Variants in KLHL29 observed in about 807,000 individuals in gnomAD.
The protein encoded by KLHL29 is kelch like family member 29.
Under a neutral mutation model 80.4 loss-of-function variants are expected in KLHL29, and 21 were observed. The ratio of observed to expected loss-of-function variants is 0.26; its 90% CI spans 0.19 to 0.38. The LOEUF (loss-of-function observed/expected upper bound fraction) is 0.38, where lower values mean the gene tolerates loss of function less well. Among genes scored for constraint, KLHL29 ranks in the 10% least tolerant of loss-of-function variants. The pLI is 1.00. For missense variants in KLHL29, 867 were observed against 1,223.9 expected (o/e 0.71, Z 4.35); for synonymous variants, 511 against 526.8 (o/e 0.97, Z 0.41).
intron 1 of KLHL29, among the ~76,000 whole-genome samples, chr2:23,389,581 C>T (rs1666267658): frequency 6.6e-6 from 1 of 151,244 alleles, no homozygotes; most frequent in Non-Finnish European, 1.5e-5. Flanking sequence ...GACTGGAGAA[C>T]AAGAAATGTG....
intron 2 of KLHL29, among the ~76,000 whole-genome samples, chr2:23,520,444 T>C (rs1553334374): frequency 6.6e-6 from 1 of 152,046 alleles, no homozygotes; most frequent in Non-Finnish European, 1.5e-5. Flanking sequence ...CCAGCCGGGG[T>C]GATGGAGGAA....
In KLHL29 at chr2:23,562,597, C is replaced by T. The variant is rs751109238; in HGVS notation, c.285+116C>T. On this transcript the variant is annotated intron_variant, in intron 3 of 13. Transcript: ENST00000486442. The surrounding 1 kb of genome is among the most constrained non-coding windows in gnomAD (Gnocchi z 4.5). ...CAGCCTGTGCTCCACGCCCCGAGTC[C>T]TCCAGAGTCTTGTCCTTCCAGGACC... is the stretch of plus-strand genomic sequence containing the variant. 186 of 1,033,674 alleles carry T rather than the reference C, an allele frequency of 1.8e-4. No homozygotes were observed. The highest frequency in any genetic ancestry group is 2.3e-4 in the Non-Finnish European group (169 of 732,982). 64.0% of individuals were successfully genotyped at this position (1,033,674 alleles called of 1,614,324 possible).
chr2:23,529,523 G>T (rs540929159), intron 2 of KLHL29, among the ~76,000 whole-genome samples: 1 of 152,304 alleles, frequency 6.6e-6, no homozygotes, highest in East Asian at 1.9e-4. Flanking sequence ...GAGAGCAGGG[G>T]TCATGGTTTT....
intron 3 of KLHL29, among the ~76,000 whole-genome samples, chr2:23,623,423 G>T (rs1053283955): frequency 6.6e-6 from 1 of 152,194 alleles, no homozygotes; most frequent in Non-Finnish European, 1.5e-5. Context: ...TCTCCCTCCT[G>T]TAATTGTTAC....
intron 3 of KLHL29, among the ~76,000 whole-genome samples, chr2:23,580,511 TAAG>T (rs1667955110): frequency 1.6e-5 from 1 of 62,898 alleles, no homozygotes; most frequent in Non-Finnish European, 3.5e-5. Context: ...TTGTCTCTAC[TAAG>T]AATACAAAAA....
At chr2:23,386,398 G>A (rs1185914805) in intron 1 of KLHL29, among the ~76,000 whole-genome samples, 2 of 152,164 alleles carry the variant, frequency 1.3e-5, no homozygotes, top group Non-Finnish European at 2.9e-5. Flanking sequence ...GAGGGAACCC[G>A]CACAGACCTT....
chr2:23,684,277 G>T lies in KLHL29; in HGVS notation c.941-122G>T. Reference sequence around the variant, plus strand: ...GTCAGTGTTGAGCCAGTCTTGCCAAGAAACAATATCAAGTATTTCCTATTT... The same window carrying T: ...GTCAGTGTTGAGCCAGTCTTGCCAATAAACAATATCAAGTATTTCCTATTT... On this transcript the variant is annotated intron_variant, in intron 5 of 13. Coordinates refer to ENST00000486442, the MANE Select transcript of KLHL29 (RefSeq NM_052920.2). This position sits in a 1 kb window ranked among gnomAD's most constrained non-coding sequence, Gnocchi z 4.4. 2 of 719,478 alleles carry T rather than the reference G, an allele frequency of 2.8e-6. No individual in the cohort carries two copies. The highest frequency in any genetic ancestry group is 2.0e-6 in the Non-Finnish European group (1 of 499,072). The allele number at this position is 719,478 out of a possible 1,614,324, so 44.6% of individuals were successfully genotyped here.
intron 1 of KLHL29, among the ~76,000 whole-genome samples, chr2:23,428,946 C>T (rs779526278): frequency 4.6e-5 from 7 of 152,168 alleles, no homozygotes; most frequent in African/African-American, 1.4e-4. Context: ...CCAGGTTAAG[C>T]GAGGCTGGAC....
intron 3 of KLHL29, among the ~76,000 whole-genome samples, chr2:23,609,665 A>G (rs1668809699): frequency 2.0e-5 from 3 of 152,050 alleles, no homozygotes; most frequent in African/African-American, 7.2e-5. Context: ...GACATGCATG[A>G]CAGATGATGA....
At chr2:23,685,243 T>TC (rs1671207344) in intron 6 of KLHL29, 1 of 151,252 alleles carries the variant, frequency 6.6e-6, no homozygotes, top group East Asian at 2.0e-4. Context: ...ATGAGCATCT[T>TC]TTTTTTTTTC....
chr2:23,473,823 TTACTAGAATCTCCC>T (rs1289459443), intron 1 of KLHL29, among the ~76,000 whole-genome samples: 3 of 152,178 alleles, frequency 2.0e-5, no homozygotes, highest in Non-Finnish European at 4.4e-5. Flanking sequence ...GCCTCACCTC[TTACTAGAATCTCCC>T]TCCACCAGCC....
intron 1 of KLHL29, among the ~76,000 whole-genome samples, chr2:23,468,881 G>A (rs537610731): frequency 1.3e-5 from 2 of 152,306 alleles, no homozygotes; most frequent in South Asian, 2.1e-4. Context: ...CTCTGCTTAC[G>A]GCGTCCAGAC....
intron 3 of KLHL29, among the ~76,000 whole-genome samples, chr2:23,586,562 T>C (rs1668124712): frequency 6.6e-6 from 1 of 151,928 alleles, no homozygotes; most frequent in Non-Finnish European, 1.5e-5. Context: ...GGTTTCACCA[T>C]GTTGGCCAAG....
chr2:23,397,475 C>G (rs1391054024), intron 1 of KLHL29, among the ~76,000 whole-genome samples: 2 of 152,284 alleles, frequency 1.3e-5, no homozygotes, highest in African/African-American at 4.8e-5. Context: ...ACAGCTGTAA[C>G]TGTCTGCTGT....
chr2:23,629,929 C>T (rs1028017671), intron 3 of KLHL29, among the ~76,000 whole-genome samples: 5 of 152,080 alleles, frequency 3.3e-5, no homozygotes, highest in African/African-American at 1.2e-4. Context: ...GAGACACCAG[C>T]GAACAGCACC....
At chr2:23,678,170 C>T (rs1670973951) in intron 5 of KLHL29, among the ~76,000 whole-genome samples, 1 of 152,194 alleles carries the variant, frequency 6.6e-6, no homozygotes, top group Non-Finnish European at 1.5e-5. Flanking sequence ...ACTTCATCTC[C>T]AGCCTTGGTT....
At chr2:23,392,393 G>A (rs530747393) in intron 1 of KLHL29, among the ~76,000 whole-genome samples, 7 of 152,286 alleles carry the variant, frequency 4.6e-5, no homozygotes, top group African/African-American at 1.4e-4. Flanking sequence ...TTGATTTGAT[G>A]TGTGAACTTT....
chr2:23,589,722 G>A (rs1054166920), intron 3 of KLHL29, among the ~76,000 whole-genome samples: 2 of 152,202 alleles, frequency 1.3e-5, no homozygotes, highest in African/African-American at 4.8e-5. Flanking sequence ...TGAGCAAACA[G>A]TCCAACTCAG....
At chr2:23,515,835 G>A (rs531543635) in intron 2 of KLHL29, among the ~76,000 whole-genome samples, 292 of 152,284 alleles carry the variant, frequency 1.9e-3, no homozygotes, top group African/African-American at 6.1e-3. Context: ...AGCCCTCCAC[G>A]GCATCTGAGC....
Sources: allele counts gnomAD v4.1 joint callset (sites outside exome capture counted in the v4.1 genomes callset), GRCh38; gene constraint gnomAD v4.1.1; non-coding constraint Gnocchi (gnomAD v3.1); transcripts MANE v1.5; gene names NCBI Gene and HGNC (gene_info 2026-07-23, HGNC 2026-07-21).